Variants in ARMC2 observed in about 807,000 individuals in gnomAD.
ARMC2 encodes the protein armadillo repeat containing 2.
Under a neutral mutation model 90.3 loss-of-function variants are expected in ARMC2, and 67 were observed. The ratio of observed to expected loss-of-function variants is 0.74; its 90% confidence interval spans 0.61 to 0.91. ARMC2 has a LOEUF of 0.91. ARMC2 is among the 40% of genes least tolerant of loss of function. The pLI is 0.00. For missense variants in ARMC2, 920 were observed against 1,030.9 expected (o/e 0.89, Z 1.47); for synonymous variants, 393 against 393.0 (o/e 1.00, Z 0.00).
At chr6:108,904,913 G>C (rs1257354825) in intron 8 of ARMC2, among the ~76,000 whole-genome samples, 1 of 152,068 alleles carries the variant, frequency 6.6e-6, no homozygotes, top group African/African-American at 2.4e-5. Context: ...GTCACAGGAA[G>C]GTACCTCAGT....
At chr6:108,908,704 C>A (rs1017820328) in intron 8 of ARMC2, among the ~76,000 whole-genome samples, 1 of 151,470 alleles carries the variant, frequency 6.6e-6, no homozygotes, top group Admixed American at 6.6e-5. Flanking sequence ...GCTGTAATGG[C>A]GGCATCACTG....
At chr6:109,044,311 C>CAAAAAAAAAAAAAAAAAAAA in the ARMC2 span, among the ~76,000 whole-genome samples, 2 of 28,458 alleles carry the variant, frequency 7.0e-5, no homozygotes, top group Admixed American at 6.6e-4. Context: ...GAACTTGCCT[C>CAAAAAAAAAAAAAAAAAAAA]AAAAAAAAAA....
chr6:108,887,573 T>C (rs1770491488), intron 5 of ARMC2, among the ~76,000 whole-genome samples: 1 of 152,176 alleles, frequency 6.6e-6, no homozygotes, highest in African/African-American at 2.4e-5. Context: ...GATTGCACCA[T>C]GCCTAAAACC....
chr6:109,004,199 A>G, the ARMC2 span, among the ~76,000 whole-genome samples: 3 of 152,220 alleles, frequency 2.0e-5, no homozygotes. Flanking sequence ...ACATTATAGT[A>G]CTAGAAGAAA....
At chr6:108,942,140 C>T (rs1346429066) in intron 12 of ARMC2, among the ~76,000 whole-genome samples, 1 of 152,158 alleles carries the variant, frequency 6.6e-6, no homozygotes, top group East Asian at 1.9e-4. Flanking sequence ...CAGACTTTGT[C>T]CTGATAGACC....
the ARMC2 span, among the ~76,000 whole-genome samples, chr6:108,987,970 T>C: frequency 6.6e-6 from 1 of 152,110 alleles, no homozygotes; most frequent in Non-Finnish European, 1.5e-5. Flanking sequence ...GTCCAACTAA[T>C]TTTTTGGTAT....
intron 1 of ARMC2, among the ~76,000 whole-genome samples, chr6:108,853,335 G>C (rs954535097): frequency 6.6e-6 from 1 of 152,142 alleles, no homozygotes; most frequent in Admixed American, 6.5e-5. Context: ...TCTACTTATA[G>C]AAATGGAATC....
chr6:108,863,468 G>C (rs1422882076), intron 3 of ARMC2, among the ~76,000 whole-genome samples: 3 of 152,116 alleles, frequency 2.0e-5, no homozygotes, highest in Non-Finnish European at 4.4e-5. Context: ...GCAGCTCCCA[G>C]CTGCTCCACA....
chr6:108,943,845 CAA>C (rs1008019262), intron 12 of ARMC2, among the ~76,000 whole-genome samples: 1 of 151,968 alleles, frequency 6.6e-6, no homozygotes, highest in Non-Finnish European at 1.5e-5. Flanking sequence ...AAAAACAAAA[CAA>C]GACAAAACAA....
the ARMC2 span, among the ~76,000 whole-genome samples, chr6:109,006,857 T>G: frequency 6.6e-6 from 1 of 152,214 alleles, no homozygotes; most frequent in Non-Finnish European, 1.5e-5. Flanking sequence ...ATTTCATAGC[T>G]TCCTATTTAG....
chr6:109,009,421 G>T, the ARMC2 span: 3 of 1,452,756 alleles, frequency 2.1e-6, no homozygotes, highest in Non-Finnish European at 1.8e-6. Context: ...ACCGCCAAAG[G>T]GGCCGTGTAC....
chr6:108,876,519 A>G lies in ARMC2; in HGVS notation c.671+169A>G, dbSNP rs535587298. ...TACTTCTCATGGCCAAATGGAGTTG[A>G]TTTTTGTATCATTCCTTATATAATA... On this transcript the variant is annotated intron_variant, in intron 5 of 17. Transcript: ENST00000392644. 1.6e-3 allele frequency among the ~76,000 whole-genome samples: 242 copies of G among 152,298 alleles called. 1 individual carries two copies. The highest frequency in any genetic ancestry group is 5.5e-3 in the African/African-American group (230 of 41,568).
At chr6:108,995,762 C>A in the ARMC2 span, among the ~76,000 whole-genome samples, 14 of 152,138 alleles carry the variant, frequency 9.2e-5, no homozygotes, top group East Asian at 5.8e-4. Context: ...CCAGCCTGGA[C>A]AACAGAGAGA....
chr6:108,937,886 C>G (rs182712848), intron 12 of ARMC2, among the ~76,000 whole-genome samples: 2 of 151,758 alleles, frequency 1.3e-5, no homozygotes, highest in Non-Finnish European at 2.9e-5. Flanking sequence ...TTAGTAGAGA[C>G]GAGGTTTCAC....
the ARMC2 span, among the ~76,000 whole-genome samples, chr6:109,003,901 T>C: frequency 3.9e-5 from 6 of 152,224 alleles, no homozygotes; most frequent in Admixed American, 6.5e-5. Context: ...ATTTATCCCC[T>C]CTAATTTCTT....
rs138502004 is a variant in ARMC2, at chr6:108,887,748, A to ACTT, written c.672-6716_672-6714dup. Reference sequence around the variant, plus strand: ...TTTCACAGAGGAGCTTTAAGAAATAACTTCTGAAATTATTTTTGGTACATG... The same window carrying ACTT: ...TTTCACAGAGGAGCTTTAAGAAATAACTTCTTCTGAAATTATTTTTGGTACATG... On this transcript the variant is annotated intron_variant, in intron 5 of 17. Transcript: ENST00000392644. 4.2e-3 allele frequency among the ~76,000 whole-genome samples: 637 copies of ACTT among 152,374 alleles called. 3 individuals are homozygous for ACTT. Among genetic ancestry groups the ACTT allele is most frequent in the African/African-American group, 0.014 (597 of 41,582 alleles).
At chr6:109,042,172 C>T in the ARMC2 span, among the ~76,000 whole-genome samples, 4 of 151,840 alleles carry the variant, frequency 2.6e-5, no homozygotes. Context: ...AATGAAAATA[C>T]AACATATCAA....
chr6:108,897,577 T>C (rs2128459564), intron 6 of ARMC2, among the ~76,000 whole-genome samples: 1 of 152,026 alleles, frequency 6.6e-6, no homozygotes, highest in Middle Eastern at 3.4e-3. Context: ...GTGGGAAGGG[T>C]TGATAAAAGG....
chr6:108,904,500 C>T, intron 8 of ARMC2, 95 bp downstream of exon 8: 1 of 1,197,076 alleles, frequency 8.4e-7, no homozygotes, highest in Non-Finnish European at 1.1e-6. Flanking sequence ...ATTAGAAATG[C>T]AGTGTATTTG....
Sources: allele counts gnomAD v4.1 joint callset (sites outside exome capture counted in the v4.1 genomes callset), GRCh38; gene constraint gnomAD v4.1.1; transcripts MANE v1.5; gene names NCBI Gene and HGNC (gene_info 2026-07-23, HGNC 2026-07-21).